SGCZ: variants seen among roughly 807,000 people sequenced by gnomAD.
The protein encoded by SGCZ is sarcoglycan zeta, also known as zeta-sarcoglycan.
SGCZ carries 40 observed loss-of-function variants against 41.3 expected under a neutral mutation model. The observed-to-expected ratio is 0.97, with a 90% CI of 0.75 to 1.26. SGCZ has a LOEUF of 1.26. Among genes scored for constraint, SGCZ ranks in the 50% most tolerant of loss-of-function variants. The pLI is 0.00. For synonymous variants in SGCZ, 206 were observed against 137.5 expected, an observed-to-expected ratio of 1.50 and a Z score of -3.49; for missense variants, 552 against 369.8, an observed-to-expected ratio of 1.49 and a Z score of -4.04.
chr8:14,451,951 T>C (rs574940821), intron 2 of SGCZ, among the ~76,000 whole-genome samples: 83 of 152,320 alleles, frequency 5.4e-4, no homozygotes, highest in Middle Eastern at 3.4e-3. Flanking sequence ...ACATAGTCAG[T>C]TTACGATCCA....
chr8:15,072,571 C>T (rs1585534300), intron 1 of SGCZ, among the ~76,000 whole-genome samples: 1 of 152,240 alleles, frequency 6.6e-6, no homozygotes, highest in Non-Finnish European at 1.5e-5. Context: ...GCTTTTCTAG[C>T]TAAGCTGTGT....
chr8:14,398,232 G>A (rs947013498), intron 2 of SGCZ, among the ~76,000 whole-genome samples: 2 of 152,142 alleles, frequency 1.3e-5, no homozygotes, highest in East Asian at 1.9e-4. Context: ...GAAGGTGGGA[G>A]AGTTATTCGA....
chr8:14,742,712 C>T (rs575850667), intron 1 of SGCZ, among the ~76,000 whole-genome samples: 42 of 152,120 alleles, frequency 2.8e-4, no homozygotes, highest in Non-Finnish European at 2.9e-5. Context: ...CTCATTGATA[C>T]AAATACTCCT....
chr8:15,103,400 CTAAATAAATAAA>C (rs3069836), intron 1 of SGCZ, among the ~76,000 whole-genome samples: 7 of 143,288 alleles, frequency 4.9e-5, no homozygotes, highest in African/African-American at 1.0e-4. Context: ...GACCCTGTCT[CTAAATAAATAAA>C]TAAATAAATA....
intron 1 of SGCZ, among the ~76,000 whole-genome samples, chr8:14,969,303 C>T (rs1028063459): frequency 6.6e-6 from 1 of 152,128 alleles, no homozygotes; most frequent in Non-Finnish European, 1.5e-5. Flanking sequence ...CACCCTACTC[C>T]TATCTGTTGC....
intron 7 of SGCZ, among the ~76,000 whole-genome samples, chr8:14,099,031 T>A (rs1690590351): frequency 6.6e-6 from 1 of 152,138 alleles, no homozygotes; most frequent in African/African-American, 2.4e-5. Context: ...ATATAAAAAG[T>A]CATTTTTTAT....
chr8:14,314,118 A>G (rs1801638245), intron 3 of SGCZ, among the ~76,000 whole-genome samples: 1 of 152,162 alleles, frequency 6.6e-6, no homozygotes, highest in Non-Finnish European at 1.5e-5. Flanking sequence ...GTAGAAAAAA[A>G]TACGCAGTAA....
At chr8:14,493,683 T>A (rs928458908) in intron 2 of SGCZ, among the ~76,000 whole-genome samples, 3 of 151,942 alleles carry the variant, frequency 2.0e-5, no homozygotes, top group Admixed American at 6.6e-5. Flanking sequence ...CCCATATTTA[T>A]ATAATCAGCT....
At chr8:15,086,969 T>A (rs1442881000) in intron 1 of SGCZ, among the ~76,000 whole-genome samples, 2 of 151,934 alleles carry the variant, frequency 1.3e-5, no homozygotes, top group Non-Finnish European at 2.9e-5. Context: ...AAATGATTAA[T>A]CAGCTCATCT....
At chr8:14,476,933 CT>C (rs1801379039) in intron 2 of SGCZ, among the ~76,000 whole-genome samples, 1 of 152,184 alleles carries the variant, frequency 6.6e-6, no homozygotes, top group South Asian at 2.1e-4. Context: ...CCTCGTTGTG[CT>C]TTCCAAAAGG....
chr8:14,284,463 A>T (rs1268410491), intron 3 of SGCZ, among the ~76,000 whole-genome samples: 1 of 152,230 alleles, frequency 6.6e-6, no homozygotes, highest in African/African-American at 2.4e-5. Flanking sequence ...GTGGATGTGC[A>T]CATATATCTA....
chr8:14,637,482 C>G (rs1305212998), intron 1 of SGCZ, among the ~76,000 whole-genome samples: 2 of 151,738 alleles, frequency 1.3e-5, no homozygotes, highest in East Asian at 3.9e-4. Context: ...TCCTACCTGC[C>G]TCTAGCAGTC....
intron 2 of SGCZ, among the ~76,000 whole-genome samples, chr8:14,393,065 G>A (rs1028334752): frequency 6.6e-6 from 1 of 151,958 alleles, no homozygotes; most frequent in African/African-American, 2.4e-5. Context: ...CCATATGAAA[G>A]GCACGTATAA....
At chr8:14,530,954 G>A (rs1054771598) in intron 2 of SGCZ, among the ~76,000 whole-genome samples, 25 of 152,054 alleles carry the variant, frequency 1.6e-4, no homozygotes, top group African/African-American at 6.0e-4. Context: ...AGCGATAGGA[G>A]GCAGACAAGT....
intron 1 of SGCZ, among the ~76,000 whole-genome samples, chr8:14,584,582 T>C (rs1805000431): frequency 6.6e-6 from 1 of 152,062 alleles, no homozygotes; most frequent in Non-Finnish European, 1.5e-5. Flanking sequence ...AATGATTAGG[T>C]TACAAAGTAA....
At chr8:14,527,962 G>A (rs1215272235) in intron 2 of SGCZ, among the ~76,000 whole-genome samples, 1 of 152,014 alleles carries the variant, frequency 6.6e-6, no homozygotes, top group Non-Finnish European at 1.5e-5. Flanking sequence ...GAACACTTGT[G>A]AGTTTATCTA....
chr8:15,225,782 T>C lies in SGCZ; in HGVS notation c.39+11803A>G, dbSNP rs560414806. On this transcript the variant is annotated intron_variant, in intron 1 of 7. Transcript: ENST00000382080. ...AGTGTCAGGAAACCAGGTGGTTCCT[T>C]AATAAAGAAGAATGTGTCTCTGGAG... Among the ~76,000 whole-genome samples, 9 of 152,270 alleles carry C rather than the reference T, an allele frequency of 5.9e-5. No individual in the cohort carries two copies. In the South Asian group the frequency reaches 1.7e-3, roughly 28 times the overall value.
chr8:14,895,265 T>A (rs2130749559), intron 1 of SGCZ, among the ~76,000 whole-genome samples: 1 of 152,294 alleles, frequency 6.6e-6, no homozygotes, highest in African/African-American at 2.4e-5. Context: ...TAATCTTGGG[T>A]ACATTACCTA....
intron 4 of SGCZ, among the ~76,000 whole-genome samples, chr8:14,213,128 G>A (rs1198576816): frequency 6.6e-6 from 1 of 152,058 alleles, no homozygotes; most frequent in Non-Finnish European, 1.5e-5. Context: ...GAGTAAGAAG[G>A]AGGGGATAAA....
Sources: allele counts gnomAD v4.1 joint callset (sites outside exome capture counted in the v4.1 genomes callset), GRCh38; gene constraint gnomAD v4.1.1; transcripts MANE v1.5; gene names NCBI Gene and HGNC (gene_info 2026-07-23, HGNC 2026-07-21).